BRWD3: variants seen among roughly 807,000 people sequenced by gnomAD.
The protein encoded by BRWD3 is bromodomain and WD repeat domain containing 3.
BRWD3 carries 10 observed loss-of-function variants against 149.7 expected under a neutral mutation model. The observed-to-expected ratio is 0.07, with a 90% CI of 0.04 to 0.11. The LOEUF (loss-of-function observed/expected upper bound fraction) is 0.11. Ranked by LOEUF, BRWD3 falls within the 10% of genes least tolerant of loss-of-function variation. The probability of loss-of-function intolerance (pLI) is 1.00; values close to 1 mark genes in which losing one functional copy is unlikely to be tolerated. For synonymous variants in BRWD3, 504 were observed against 456.7 expected (o/e 1.10, Z -1.32); for missense variants, 940 against 1,373.2 (o/e 0.68, Z 4.99).
chrX:80,745,480 T>C, intron 7 of BRWD3, 89 bp downstream of exon 7: 2 of 905,466 alleles, frequency 2.2e-6, no homozygotes, highest in Non-Finnish European at 3.1e-6. Flanking sequence ...AAAAGTGAAC[T>C]GCTTACAAAG....
rs1569242615 is a variant in BRWD3, at chrX:80,676,828, A to C, written c.5190T>G (p.Asp1730Glu). ...ATRAKRARIA[D>E]DEFDTMFSGR... ...CTGAAAACATGGTATCAAATTCATC[A>C]TCTGCAATACGTGCTCGTTTGGCTC... Residue 1730 changes from aspartate to glutamate, a missense_variant, in exon 41 of 41, where the codon GAT becomes GAG. Transcript: ENST00000373275. 1 of 1,211,170 alleles carries C rather than the reference A, an allele frequency of 8.3e-7. No homozygotes were observed. The highest frequency in any genetic ancestry group is 1.1e-6 in the Non-Finnish European group (1 of 895,355).
chrX:80,771,572 C>T (rs966163117), intron 6 of BRWD3, among the ~76,000 whole-genome samples: 9 of 111,447 alleles, frequency 8.1e-5, no homozygotes, highest in African/African-American at 2.6e-4. Flanking sequence ...AACTTCATGA[C>T]TAAAACACCA....
rs184792905 is a variant in BRWD3, at chrX:80,751,092, A to G, written c.431-5363T>C. 7.3e-4 allele frequency among the ~76,000 whole-genome samples: 81 copies of G among 111,485 alleles called. 1 individual carries two copies. The East Asian group carries it at 0.015, about 21-fold the overall frequency. ...TAGAAAGGTAGTTACCACAGGATAC[A>G]AGGAAAGGAGAGGGGTGAGGAAAGG... On this transcript the variant is annotated intron_variant, in intron 6 of 40. Coordinates refer to ENST00000373275, the MANE Select transcript of BRWD3 (RefSeq NM_153252.5).
intron 10 of BRWD3, among the ~76,000 whole-genome samples, chrX:80,734,710 A>G (rs2073379144): frequency 9.2e-6 from 1 of 108,535 alleles, no homozygotes; most frequent in Non-Finnish European, 1.9e-5. Context: ...ACAATCAAAA[A>G]AAGGAAAAAA....
intron 5 of BRWD3, 96 bp downstream of exon 5, chrX:80,793,526 T>C: frequency 1.1e-6 from 1 of 928,858 alleles, no homozygotes; most frequent in South Asian, 2.4e-5. Context: ...GAAAAACTAG[T>C]ATTTAGAAAA....
chrX:80,734,837 T>C (rs753232007), intron 10 of BRWD3, among the ~76,000 whole-genome samples: 5 of 111,161 alleles, frequency 4.5e-5, no homozygotes, highest in Non-Finnish European at 9.4e-5. Flanking sequence ...TTTGTGTTGA[T>C]TGCGGGGCAG....
chrX:80,804,573 G>A (rs779603401), intron 4 of BRWD3, among the ~76,000 whole-genome samples: 6 of 111,664 alleles, frequency 5.4e-5, no homozygotes, highest in Admixed American at 1.9e-4. Context: ...TCCTAAAAAT[G>A]ATTTAAAAAT....
chrX:80,753,408 T>C (rs2073696935), intron 6 of BRWD3, among the ~76,000 whole-genome samples: 1 of 109,893 alleles, frequency 9.1e-6, no homozygotes, highest in African/African-American at 3.3e-5. Flanking sequence ...TAGCTGGGAT[T>C]ACAGGCGGCT....
At position 80,735,113 on chromosome X, in the gene BRWD3, A is replaced by G; in HGVS notation, c.985+14T>C. 1 of 1,173,655 alleles carries G rather than the reference A, an allele frequency of 8.5e-7. No individual in the cohort carries two copies. Among genetic ancestry groups the G allele is most frequent in the Admixed American group, 2.2e-5 (1 of 45,894 alleles). ...ATATTCTAGATGCTCAAAACATTCC[A>G]GTTTTACACATACCAGAACTGAAAG... is the stretch of plus-strand genomic sequence containing the variant. On this transcript the variant is annotated intron_variant, in intron 10 of 40. Transcript: ENST00000373275.
intron 6 of BRWD3, among the ~76,000 whole-genome samples, chrX:80,761,174 G>A (rs1384077181): frequency 2.2e-4 from 25 of 111,858 alleles, no homozygotes. Flanking sequence ...ATTACAGAGT[G>A]GTTATACTAA....
chrX:80,686,975 A>G lies in BRWD3; in HGVS notation c.3893T>C (p.Leu1298Ser), dbSNP rs750080794. 1.7e-6 allele frequency: 2 copies of G among 1,209,693 alleles called. No individual in the cohort carries two copies. The highest frequency in any genetic ancestry group is 1.8e-5 in the South Asian group (1 of 56,946). Residue 1298 changes from leucine to serine, a missense_variant, in exon 35 of 41, where the codon TTA (leucine) becomes TCA (serine). Physicochemically the swap from Leu to Ser is moderately radical, Grantham distance 145 (BLOSUM62 -2). This residue lies in a region of BRWD3 where 349 missense variants were observed against 419.6 expected (regional missense o/e 0.83). Coordinates refer to ENST00000373275, the MANE Select transcript of BRWD3 (RefSeq NM_153252.5). ...TTTCCAAGCATCAGGATTACACTTT[A>G]AAGACTGTCTTCTGCCTCGGCATTT... ...KVKCRGRRQS[L>S]KCNPDAWKKQ... is the part of the protein sequence containing the mutation.
chrX:80,679,957 A>G (rs1201129427), intron 40 of BRWD3, among the ~76,000 whole-genome samples: 1 of 111,896 alleles, frequency 8.9e-6, no homozygotes, highest in Non-Finnish European at 1.9e-5. Context: ...GAGACACTAA[A>G]GATGTAAACT....
At chrX:80,680,990 T>G (rs1400511757) in intron 40 of BRWD3, among the ~76,000 whole-genome samples, 3 of 101,884 alleles carry the variant, frequency 2.9e-5, no homozygotes, top group Non-Finnish European at 4.0e-5. Flanking sequence ...TTTTTTTTTT[T>G]GTAGAGATTA....
chrX:80,769,174 A>T (rs762109582), intron 6 of BRWD3, among the ~76,000 whole-genome samples: 40 of 111,260 alleles, frequency 3.6e-4, no homozygotes, highest in Non-Finnish European at 7.2e-4. Flanking sequence ...TCAACATTAG[A>T]CAGATCAATG....
At chrX:80,724,054 G>A (rs1480117903) in intron 15 of BRWD3, among the ~76,000 whole-genome samples, 178 bp from the exon 16 acceptor site, 1 of 112,095 alleles carries the variant, frequency 8.9e-6, no homozygotes, top group Non-Finnish European at 1.9e-5. Flanking sequence ...AAATTAGGGA[G>A]AGGCAAATTG....
At chrX:80,720,964 A>C (rs1302622428) in intron 17 of BRWD3, among the ~76,000 whole-genome samples, 1 of 112,380 alleles carries the variant, frequency 8.9e-6, no homozygotes, top group East Asian at 2.8e-4. Context: ...GCTATGCCAT[A>C]TAAGAGTTTT....
intron 6 of BRWD3, among the ~76,000 whole-genome samples, chrX:80,770,072 A>T (rs1359624077): frequency 1.8e-5 from 2 of 111,733 alleles, no homozygotes; most frequent in Non-Finnish European, 3.8e-5. Context: ...ATCCCTGAAT[A>T]GACCACTAAC....
chrX:80,808,812 C>T (rs1489736160), intron 3 of BRWD3, among the ~76,000 whole-genome samples: 1 of 106,336 alleles, frequency 9.4e-6, no homozygotes, highest in Non-Finnish European at 1.9e-5. Context: ...AACTGCCTCC[C>T]ACAAGCATAA....
intron 6 of BRWD3, among the ~76,000 whole-genome samples, chrX:80,769,244 A>G (rs1019398749): frequency 4.5e-5 from 5 of 111,716 alleles, no homozygotes; most frequent in African/African-American, 1.6e-4. Flanking sequence ...AAGCAGACCT[A>G]ATAGACATCT....
Sources: gnomAD v4.1 joint callset for allele counts (sites outside exome capture counted in the v4.1 genomes callset) on GRCh38, gnomAD v4.1.1 for gene constraint, gnomAD v4.1.1 regional missense constraint, MANE v1.5 for transcripts, NCBI Gene and HGNC (gene_info 2026-07-23, HGNC 2026-07-21) for gene names.